PRICKLE1: variants seen among roughly 807,000 people sequenced by gnomAD.
The protein encoded by PRICKLE1 is prickle planar cell polarity protein 1, also known as prickle-like protein 1.
A neutral mutation model predicts 70.2 loss-of-function variants in PRICKLE1; 14 were observed. The observed-to-expected ratio is 0.20, with a 90% CI of 0.13 to 0.31. The LOEUF (loss-of-function observed/expected upper bound fraction) is 0.31. Among genes scored for constraint, PRICKLE1 ranks in the 10% least tolerant of loss-of-function variants. The pLI, the probability that PRICKLE1 is intolerant of heterozygous loss-of-function variation, is 1.00. For synonymous variants in PRICKLE1, 357 were observed against 379.9 expected, an observed-to-expected ratio of 0.94 and a Z score of 0.70; for missense variants, 821 against 1,026.2, an observed-to-expected ratio of 0.80 and a Z score of 2.73.
chr12:42,584,953 A>C (rs758239943), intron 1 of PRICKLE1, among the ~76,000 whole-genome samples: 22 of 152,210 alleles, frequency 1.4e-4, no homozygotes, highest in Non-Finnish European at 2.8e-4. Flanking sequence ...TGGGTGCTAT[A>C]AATCAGCAGC....
chr12:42,574,808 G>GT (rs1466466264), intron 1 of PRICKLE1, among the ~76,000 whole-genome samples: 8 of 150,236 alleles, frequency 5.3e-5, no homozygotes, highest in African/African-American at 9.8e-5. Context: ...TGTTGTTGCT[G>GT]TTTTTTTTAA....
chr12:42,565,486 A>G (rs1940606455), intron 1 of PRICKLE1, among the ~76,000 whole-genome samples: 1 of 152,230 alleles, frequency 6.6e-6, no homozygotes, highest in Non-Finnish European at 1.5e-5. Context: ...GGTAAAGGCT[A>G]TGATGAACTA....
At position 42,457,906 on chromosome 12, in the gene PRICKLE1, G is replaced by GTC. The variant is rs540407499; in HGVS notation, c.*1901_*1902dup. The GTC allele has an allele frequency of 3.1e-4, 48 of 152,390 alleles. 1 individual carries two copies. Among genetic ancestry groups the GTC allele is most frequent in the Admixed American group, 3.0e-3 (46 of 15,304 alleles). 9.4% of individuals were successfully genotyped at this position (152,390 alleles called of 1,614,324 possible). A position where few individuals can be genotyped will look rare whatever the true frequency, so the allele number is the denominator to read the frequency against. ...GGATGAAGAATGGAAAGGAGATGCT[G>GTC]TCTCTGACTTTTGCCCTATTTGAAT... is the stretch of plus-strand genomic sequence containing the variant. On this transcript the variant is annotated 3_prime_UTR_variant, in exon 8 of 8. Transcript: ENST00000345127.
chr12:42,561,121 C>T (rs1307874730), intron 1 of PRICKLE1, among the ~76,000 whole-genome samples: 1 of 152,152 alleles, frequency 6.6e-6, no homozygotes, highest in Non-Finnish European at 1.5e-5. Flanking sequence ...CAAACCAACA[C>T]CCTTCAAATG....
At chr12:42,478,105 CCTCCCT>C (rs1354747100) in intron 1 of PRICKLE1, among the ~76,000 whole-genome samples, 1 of 151,928 alleles carries the variant, frequency 6.6e-6, no homozygotes, top group East Asian at 1.9e-4. Context: ...CATCATCCTC[CCTCCCT>C]CTCCCTCTTT....
At chr12:42,537,909 A>T (rs915207272) in intron 1 of PRICKLE1, among the ~76,000 whole-genome samples, 3 of 152,364 alleles carry the variant, frequency 2.0e-5, no homozygotes, top group African/African-American at 7.2e-5. Flanking sequence ...ACATAATGCA[A>T]TGAAACCTAT....
chr12:42,482,058 G>A (rs1566094536), intron 1 of PRICKLE1, among the ~76,000 whole-genome samples: 1 of 152,204 alleles, frequency 6.6e-6, no homozygotes, highest in Non-Finnish European at 1.5e-5. Flanking sequence ...AGTATTTTCT[G>A]TATTTTCCAG....
intron 1 of PRICKLE1, chr12:42,550,146 C>T (rs148246316): frequency 0.023 from 3,569 of 152,428 alleles, 60 homozygotes; most frequent in Non-Finnish European, 0.035. Context: ...CTCCTTCTGT[C>T]CTCCAACCTG....
At position 42,472,571 on chromosome 12, in the gene PRICKLE1, A is replaced by C; in HGVS notation, c.-48-7T>G. ...GGACATCAAACAATGGCTGCTGTGAACAATATAAGAAAAAACAAAGACATC... is the reference window on the plus strand; with the variant it reads ...GGACATCAAACAATGGCTGCTGTGACCAATATAAGAAAAAACAAAGACATC... On this transcript the variant is annotated splice_region_variant and splice_polypyrimidine_tract_variant and intron_variant, in intron 1 of 7. Transcript: ENST00000345127. 1 of 1,610,360 alleles carries C rather than the reference A, an allele frequency of 6.2e-7. No individual in the cohort carries two copies. The highest frequency in any genetic ancestry group is 2.2e-5 in the East Asian group (1 of 44,848).
chr12:42,495,745 C>A (rs1025467637), intron 1 of PRICKLE1, among the ~76,000 whole-genome samples: 1 of 151,388 alleles, frequency 6.6e-6, no homozygotes, highest in South Asian at 2.1e-4. Flanking sequence ...CGTGCCACCA[C>A]GCCCTGCTAA....
At chr12:42,563,107 C>T (rs995221359) in intron 1 of PRICKLE1, among the ~76,000 whole-genome samples, 5 of 151,454 alleles carry the variant, frequency 3.3e-5, no homozygotes, top group South Asian at 2.1e-4. Flanking sequence ...TGCTAGAGTC[C>T]GGGAGACGGA....
At chr12:42,466,128 A>G (rs1938085509) in intron 6 of PRICKLE1, 66 bp downstream of exon 6, 4 of 1,540,770 alleles carry the variant, frequency 2.6e-6, no homozygotes, top group Non-Finnish European at 3.6e-6. Context: ...AGAAAAAATA[A>G]GACTGGATAA....
At chr12:42,499,581 C>A (rs544506139) in intron 1 of PRICKLE1, among the ~76,000 whole-genome samples, 1 of 151,968 alleles carries the variant, frequency 6.6e-6, no homozygotes, top group African/African-American at 2.4e-5. Flanking sequence ...CCACCACACC[C>A]GGCTCATTTT....
rs760296807 is a variant in PRICKLE1 at position 42,468,602 on chromosome 12, G to A, written c.588+24C>T. On this transcript the variant is annotated intron_variant, in intron 5 of 7. Coordinates refer to ENST00000345127, the MANE Select transcript of PRICKLE1 (RefSeq NM_153026.3). The stretch of plus-strand genomic sequence containing the variant: ...TTAATCTAAGCTTATTTTTCCCAGT[G>A]TGAAAGGATGAACTTTTTTTTACCT... 6.2e-6 allele frequency: 10 copies of A among 1,607,048 alleles called. No individual in the cohort carries two copies. The East Asian group carries it at 1.8e-4, about 29-fold the overall frequency.
intron 1 of PRICKLE1, among the ~76,000 whole-genome samples, chr12:42,522,774 G>T (rs1939733456): frequency 6.6e-6 from 1 of 152,056 alleles, no homozygotes; most frequent in Non-Finnish European, 1.5e-5. Flanking sequence ...TTTTAAAGCG[G>T]AAAATTGGCA....
intron 1 of PRICKLE1, among the ~76,000 whole-genome samples, chr12:42,558,290 A>T (rs1940446869): frequency 6.6e-6 from 1 of 152,254 alleles, no homozygotes; most frequent in Non-Finnish European, 1.5e-5. Flanking sequence ...GTAACACACA[A>T]AATGAATTTA....
intron 1 of PRICKLE1, among the ~76,000 whole-genome samples, chr12:42,555,428 T>C (rs576589846): frequency 2.6e-5 from 4 of 152,204 alleles, no homozygotes; most frequent in Non-Finnish European, 5.9e-5. Flanking sequence ...AAAACAATAA[T>C]CTTTATGTAA....
intron 1 of PRICKLE1, among the ~76,000 whole-genome samples, chr12:42,553,325 T>G (rs1181982606): frequency 6.6e-6 from 1 of 151,800 alleles, no homozygotes; most frequent in East Asian, 1.9e-4. Context: ...GCACCTGTAG[T>G]CCCAGCTACT....
At chr12:42,502,528 C>G (rs902920620) in intron 1 of PRICKLE1, among the ~76,000 whole-genome samples, 1 of 151,972 alleles carries the variant, frequency 6.6e-6, no homozygotes, top group Non-Finnish European at 1.5e-5. Context: ...CCAGGCTGAT[C>G]TTGAACTTGT....
Sources: gnomAD v4.1 joint callset for allele counts (sites outside exome capture counted in the v4.1 genomes callset) on GRCh38, gnomAD v4.1.1 for gene constraint, MANE v1.5 for transcripts, NCBI Gene and HGNC (gene_info 2026-07-23, HGNC 2026-07-21) for gene names.